Variants in CPSF3 observed in about 807,000 individuals in gnomAD.
CPSF3 encodes the protein cleavage and polyadenylation specificity factor subunit 3.
CPSF3 carries 57 observed loss-of-function variants against 84.1 expected under a neutral mutation model. That is an observed-to-expected ratio of 0.68 (90% CI 0.55 to 0.85). The LOEUF is 0.85. Ranked by LOEUF, CPSF3 falls within the 40% of genes least tolerant of loss-of-function variation. CPSF3 has a pLI of 0.00. For missense variants in CPSF3, 522 were observed against 838.8 expected (o/e 0.62, Z 4.66); for synonymous variants, 275 against 278.1 (o/e 0.99, Z 0.11).
At chr2:9,461,286 G>A (rs1198369093) in intron 15 of CPSF3, among the ~76,000 whole-genome samples, 1 of 152,202 alleles carries the variant, frequency 6.6e-6, no homozygotes, top group African/African-American at 2.4e-5. Context: ...ACAGAAGAAT[G>A]CCGCAAGATT....
At position 9,445,489 on chromosome 2, in the gene CPSF3, G is replaced by GTA. The variant is rs555398628; in HGVS notation, c.1242+1829_1242+1830insAT. On this transcript the variant is annotated intron_variant, in intron 10 of 17. Coordinates refer to ENST00000238112, the MANE Select transcript of CPSF3 (RefSeq NM_016207.4). ...CATGCAGTCTTTTGTTCGTTTTTGA[G>GTA]TTTTTTCTAGCATGATAGGCCTCAC... Among the ~76,000 whole-genome samples the GTA allele has an allele frequency of 2.6e-5, 4 of 152,254 alleles. No individual in the cohort carries two copies. In the South Asian group the frequency reaches 8.3e-4, roughly 32 times the overall value.
chr2:9,425,335 G>A (rs1418887798), intron 1 of CPSF3, among the ~76,000 whole-genome samples: 1 of 152,194 alleles, frequency 6.6e-6, no homozygotes, highest in African/African-American at 2.4e-5. Flanking sequence ...GGGAGCCAGC[G>A]AAGGCTATTA....
At chr2:9,466,245 CA>C (rs1681919731) in intron 15 of CPSF3, among the ~76,000 whole-genome samples, 2 of 136,216 alleles carry the variant, frequency 1.5e-5, no homozygotes, top group Non-Finnish European at 3.3e-5. Context: ...TGCGCGCACG[CA>C]CGCGCACACA....
intron 7 of CPSF3, among the ~76,000 whole-genome samples, chr2:9,436,703 G>A (rs984430038): frequency 2.0e-4 from 30 of 151,648 alleles, no homozygotes; most frequent in Non-Finnish European, 4.0e-4. Flanking sequence ...CCTGGGAGGT[G>A]GAGGTTGTAG....
In CPSF3 at chr2:9,423,914, C is replaced by T; in HGVS notation, c.50+91C>T. The T allele has an allele frequency of 1.9e-6, 3 of 1,545,350 alleles. No homozygotes were observed. The South Asian group carries it at 3.5e-5, about 18-fold the overall frequency. On this transcript the variant is annotated intron_variant, in intron 1 of 17. Coordinates refer to ENST00000238112, the MANE Select transcript of CPSF3 (RefSeq NM_016207.4). ...CTGGCCTCCTCCGTCGCCCGCGCTC[C>T]CACCTACCCCGGCAGCCTGCCTTTG...
Position 9,436,286 on chromosome 2 carries a change from A to G in CPSF3, c.685A>G (p.Ile229Val), listed in dbSNP as rs779316073. 1.2e-5 allele frequency: 20 copies of G among 1,613,880 alleles called. No homozygotes were observed. Among genetic ancestry groups the G allele is most frequent in the African/African-American group, 2.7e-5 (2 of 74,928 alleles). The change falls in exon 7 of 18, where the codon ATT (isoleucine) becomes GTT (valine). Residue 229 changes from isoleucine to valine, a missense_variant. By Grantham distance (29) the Ile-to-Val change is conservative. Transcript: ENST00000238112. ...EARFCNTVHD[I>V]VNRGGRGLIP... The stretch of plus-strand genomic sequence containing the variant: ...AAGATTCTGTAACACTGTCCACGAT[A>G]TTGTAAACAGAGGAGGCAGGGGTCT...
At chr2:9,459,474 C>A in intron 14 of CPSF3, 57 bp from the exon 15 acceptor site, 1 of 1,060,824 alleles carries the variant, frequency 9.4e-7, no homozygotes, top group Non-Finnish European at 1.5e-6. Context: ...TAGTTGTAGC[C>A]TTTGTGGTTG....
At chr2:9,454,210 C>T (rs1681433216) in intron 12 of CPSF3, among the ~76,000 whole-genome samples, 1 of 151,986 alleles carries the variant, frequency 6.6e-6, no homozygotes, top group Non-Finnish European at 1.5e-5. Context: ...GAGTTCGAGA[C>T]CATCCTGGCC....
At chr2:9,426,867 C>T (rs1439726408) in intron 1 of CPSF3, among the ~76,000 whole-genome samples, 1 of 121,120 alleles carries the variant, frequency 8.3e-6, no homozygotes, top group Admixed American at 8.0e-5. Flanking sequence ...CATAGGGGGA[C>T]CTTGTCTCAA....
rs772474422 is a variant in CPSF3 at position 9,467,750 on chromosome 2, C to T, written c.1830C>T (p.Tyr610=). ...CTAAAAAATTAGAAATGCACGTTTA[C>T]AGCAAGAGGTTGGAGATCATGCTCC... ...KVSKKLEMHV[Y]SKRLEIMLQD... is the part of the protein sequence containing the mutation. The change falls in exon 16 of 18, where the codon TAC becomes TAT. Residue 610 remains tyrosine, a synonymous_variant. Transcript: ENST00000238112. 5 of 1,535,026 alleles carry T rather than the reference C, an allele frequency of 3.3e-6. No homozygotes were observed. In the South Asian group the frequency reaches 4.4e-5, roughly 14 times the overall value.
At chr2:9,466,350 G>GCA (rs1450948220) in intron 15 of CPSF3, among the ~76,000 whole-genome samples, 2 of 108,186 alleles carry the variant, frequency 1.8e-5, no homozygotes, top group East Asian at 2.2e-4. Flanking sequence ...ACGCGCGCGC[G>GCA]CGCACACACA....
At chr2:9,446,754 CA>C (rs139071454) in intron 10 of CPSF3, among the ~76,000 whole-genome samples, 56 of 143,008 alleles carry the variant, frequency 3.9e-4, no homozygotes, top group African/African-American at 1.2e-3. Flanking sequence ...AAGACTGTCT[CA>C]AAAAAAAAAG....
chr2:9,445,796 A>C (rs934480312), intron 10 of CPSF3, among the ~76,000 whole-genome samples: 5 of 152,226 alleles, frequency 3.3e-5, no homozygotes, highest in African/African-American at 1.2e-4. Context: ...GTTGAACTTC[A>C]TGCTCATTTT....
chr2:9,434,147 G>A (rs560469773), intron 6 of CPSF3, among the ~76,000 whole-genome samples, 187 bp downstream of exon 6: 1 of 152,218 alleles, frequency 6.6e-6, no homozygotes, highest in Admixed American at 6.5e-5. Flanking sequence ...TTGGGAGGCT[G>A]AGGTGGGCAG....
chr2:9,446,580 C>CA (rs71389245), intron 10 of CPSF3, among the ~76,000 whole-genome samples: 46,884 of 88,914 alleles, frequency 0.53, 12,443 homozygotes, highest in Middle Eastern at 0.68. Context: ...GACTCGGTCT[C>CA]AAAAAAAAAA....
At chr2:9,460,408 G>A (rs1681693498) in intron 15 of CPSF3, among the ~76,000 whole-genome samples, 1 of 151,922 alleles carries the variant, frequency 6.6e-6, no homozygotes, top group Admixed American at 6.6e-5. Context: ...CAGCCTGGGC[G>A]ACAGAGCAAG....
At chr2:9,438,604 C>T (rs1432275027) in intron 7 of CPSF3, among the ~76,000 whole-genome samples, 3 of 151,248 alleles carry the variant, frequency 2.0e-5, no homozygotes, top group African/African-American at 7.3e-5. Context: ...CAACGTCTGC[C>T]TCCCGGGTTC....
In CPSF3 at chr2:9,430,642, G is replaced by T; in HGVS notation, c.213-110G>T. 3 of 963,802 alleles carry T rather than the reference G, an allele frequency of 3.1e-6. No homozygotes were observed. In the Admixed American group the frequency reaches 7.1e-5, roughly 23 times the overall value. 59.7% of individuals were successfully genotyped at this position (963,802 alleles called of 1,614,324 possible). A position where few individuals can be genotyped will look rare whatever the true frequency, so the allele number is the denominator to read the frequency against. On this transcript the variant is annotated intron_variant, in intron 3 of 17. Coordinates refer to ENST00000238112, the MANE Select transcript of CPSF3 (RefSeq NM_016207.4). ...ACTCTTGGTTTTTCTGAAAGTATCA[G>T]CACATAGTTGTTTATATAAAACTTG...
chr2:9,435,360 A>T (rs1204588844), intron 6 of CPSF3, among the ~76,000 whole-genome samples: 5 of 152,150 alleles, frequency 3.3e-5, no homozygotes, highest in Admixed American at 1.3e-4. Flanking sequence ...AAAAAAGGAC[A>T]TGGGAAGAAG....
Sources: allele counts gnomAD v4.1 joint callset (sites outside exome capture counted in the v4.1 genomes callset), GRCh38; gene constraint gnomAD v4.1.1; transcripts MANE v1.5; gene names NCBI Gene and HGNC (gene_info 2026-07-23, HGNC 2026-07-21).